The following ARHGEF3 variants were observed in gnomAD, a reference collection of about 807,000 sequenced individuals.
The protein encoded by ARHGEF3 is Rho guanine nucleotide exchange factor 3, also known as 59.8 kDA protein.
In ARHGEF3, 28 loss-of-function variants were observed where a neutral mutation model predicts 63.2. The observed-to-expected ratio is 0.44, with a 90% CI of 0.33 to 0.61. The LOEUF (loss-of-function observed/expected upper bound fraction) is 0.61, where lower values mean the gene tolerates loss of function less well. ARHGEF3 is among the 20% of genes least tolerant of loss of function. The probability of loss-of-function intolerance (pLI) is 0.03; values close to 1 mark genes in which losing one functional copy is unlikely to be tolerated. For missense variants in ARHGEF3, 533 were observed against 659.3 expected (o/e 0.81, Z 2.10); for synonymous variants, 266 against 254.2 (o/e 1.05, Z -0.44).
chr3:56,988,887 T>A (rs1269356944), intron 2 of ARHGEF3, among the ~76,000 whole-genome samples: 1 of 152,196 alleles, frequency 6.6e-6, no homozygotes, highest in Non-Finnish European at 1.5e-5. Flanking sequence ...TTTCTAGACT[T>A]TGATGCCCAG....
intron 1 of ARHGEF3, among the ~76,000 whole-genome samples, chr3:57,064,194 G>C (rs749017233): frequency 6.6e-6 from 1 of 152,196 alleles, no homozygotes; most frequent in Non-Finnish European, 1.5e-5. Flanking sequence ...GCTTGAGCCT[G>C]GGGGGTAGAG....
At chr3:57,046,033 A>G (rs541130418) in intron 1 of ARHGEF3, among the ~76,000 whole-genome samples, 35 of 152,282 alleles carry the variant, frequency 2.3e-4, no homozygotes, top group Admixed American at 1.4e-3. Flanking sequence ...TGCAGAAAAA[A>G]ATAAGGTGAG....
chr3:56,776,880 C>G (rs756288903), intron 1 of ARHGEF3, among the ~76,000 whole-genome samples: 1 of 151,844 alleles, frequency 6.6e-6, no homozygotes, highest in Admixed American at 6.6e-5. Context: ...CCCCCCACCA[C>G]GTGATTTTAA....
rs116784762 is a variant in ARHGEF3, at chr3:56,729,311, A to C, written c.1540T>G (p.Ser514Ala). Residue 514 changes from serine (S) to alanine (A), a missense_variant, in exon 10 of 10, where the codon TCT becomes GCT. Ser to Ala is a moderately conservative substitution (Grantham distance 99). Transcript: ENST00000296315. The part of the protein sequence containing the change: ...LDCERMEQTD[S>A]SCGNSRHGES... ...CCGTGCCTGCTGTTTCCACAGGAAG[A>C]GTCTGTCTGTTCCATGCGCTCACAG... is the stretch of plus-strand genomic sequence containing the variant. 1 of 1,614,040 alleles carries C rather than the reference A, an allele frequency of 6.2e-7. No homozygotes were observed. Among genetic ancestry groups the C allele is most frequent in the Non-Finnish European group, 8.5e-7 (1 of 1,179,970 alleles).
At chr3:57,050,361 A>T (rs1009354294) in intron 1 of ARHGEF3, among the ~76,000 whole-genome samples, 2 of 152,200 alleles carry the variant, frequency 1.3e-5, no homozygotes, top group African/African-American at 4.8e-5. Flanking sequence ...TACTCTCAGG[A>T]CTATCAAAAC....
Position 56,969,236 on chromosome 3 carries a change from T to C in ARHGEF3, c.63-10347A>G, listed in dbSNP as rs935947441. Among the ~76,000 whole-genome samples, 6 of 148,026 alleles carry C rather than the reference T, an allele frequency of 4.1e-5. No homozygotes were observed. The Admixed American group carries it at 4.2e-4, about 10-fold the overall frequency. ...GCATAGTTTGCAAATAATATAGGAC[T>C]ACCCTATTCAAAACAATTCCAGAAT... On this transcript the variant is annotated intron_variant, in intron 2 of 12. Transcript: ENST00000338458.
At chr3:56,983,937 GAAA>G (rs11401240) in intron 2 of ARHGEF3, among the ~76,000 whole-genome samples, 5 of 112,536 alleles carry the variant, frequency 4.4e-5, no homozygotes, top group Admixed American at 1.9e-4. Flanking sequence ...TCCGTCTCGA[GAAA>G]AAAAAAAAAA....
intron 3 of ARHGEF3, among the ~76,000 whole-genome samples, chr3:56,920,055 C>A (rs967923500): frequency 6.6e-6 from 1 of 152,164 alleles, no homozygotes. Context: ...TGAAAAGCCT[C>A]ATTTTAAAGC....
At chr3:56,951,396 T>C (rs1699807769) in intron 3 of ARHGEF3, among the ~76,000 whole-genome samples, 1 of 152,008 alleles carries the variant, frequency 6.6e-6, no homozygotes, top group East Asian at 1.9e-4. Flanking sequence ...ATCATTAGCA[T>C]TTTTTGCATT....
chr3:56,768,145 C>T (rs1404355055), intron 2 of ARHGEF3, among the ~76,000 whole-genome samples: 1 of 152,124 alleles, frequency 6.6e-6, no homozygotes, highest in Non-Finnish European at 1.5e-5. Flanking sequence ...TGACCTCTGC[C>T]TTCTGGGTTC....
chr3:56,994,350 G>A lies in ARHGEF3; in HGVS notation c.63-35461C>T, dbSNP rs114982424. The stretch of plus-strand genomic sequence containing the variant: ...GGTGCCATTTCTGGAGGGCTCATGT[G>A]CATCAGGCACTGTGTTGGGCACTGA... On this transcript the variant is annotated intron_variant, in intron 2 of 12. Coordinates refer to the ARHGEF3 transcript ENST00000338458. Among the ~76,000 whole-genome samples the A allele has an allele frequency of 6.0e-3, 908 of 152,268 alleles. 7 individuals carry two copies. The highest frequency in any genetic ancestry group is 0.021 in the African/African-American group (868 of 41,550).
intron 4 of ARHGEF3, among the ~76,000 whole-genome samples, chr3:56,810,984 G>T (rs1439819789): frequency 6.6e-6 from 1 of 152,182 alleles, no homozygotes. Context: ...AGGTGCACAG[G>T]GGGTAATTAG....
chr3:56,867,132 T>G (rs988867801), intron 4 of ARHGEF3, among the ~76,000 whole-genome samples: 1 of 152,210 alleles, frequency 6.6e-6, no homozygotes, highest in East Asian at 1.9e-4. Context: ...CAAATATGTA[T>G]GTAGAGGAAG....
intron 3 of ARHGEF3, among the ~76,000 whole-genome samples, chr3:56,945,709 A>T (rs549760880): frequency 1.3e-5 from 2 of 152,370 alleles, no homozygotes; most frequent in African/African-American, 4.8e-5. Context: ...GGGGCAGGGC[A>T]TAGCCAAATA....
chr3:56,859,982 G>A (rs906281788), intron 4 of ARHGEF3, among the ~76,000 whole-genome samples: 11 of 151,852 alleles, frequency 7.2e-5, no homozygotes, highest in South Asian at 4.2e-4. Flanking sequence ...GTAACATGGC[G>A]AAACCCTGTC....
chr3:56,801,566 G>C (rs2037649962), intron 1 of ARHGEF3, 137 bp downstream of exon 1: 1 of 1,174,440 alleles, frequency 8.5e-7, no homozygotes, highest in South Asian at 1.6e-5. Context: ...GAGATGTAGA[G>C]AGAGAAAGTG....
chr3:56,911,113 C>A (rs1029009789), intron 3 of ARHGEF3, among the ~76,000 whole-genome samples: 1 of 152,108 alleles, frequency 6.6e-6, no homozygotes, highest in African/African-American at 2.4e-5. Flanking sequence ...AGAACTTGAT[C>A]CTCAGATTCC....
intron 3 of ARHGEF3, among the ~76,000 whole-genome samples, chr3:56,889,918 T>C (rs1244302727): frequency 2.6e-5 from 4 of 151,992 alleles, no homozygotes; most frequent in Non-Finnish European, 5.9e-5. Context: ...AAAAATTAGC[T>C]GAGCGTGGTA....
At chr3:56,945,175 C>T (rs763585288) in intron 3 of ARHGEF3, among the ~76,000 whole-genome samples, 4 of 152,122 alleles carry the variant, frequency 2.6e-5, no homozygotes, top group Non-Finnish European at 5.9e-5. Flanking sequence ...CTCCAGTCTA[C>T]AGCTCCCAGC....
Sources: allele counts gnomAD v4.1 joint callset (sites outside exome capture counted in the v4.1 genomes callset), GRCh38; gene constraint gnomAD v4.1.1; transcripts MANE v1.5; gene names NCBI Gene and HGNC (gene_info 2026-07-23, HGNC 2026-07-21).